The following SLC8A1 variants were observed in gnomAD, a reference collection of about 807,000 sequenced individuals.
SLC8A1 encodes solute carrier family 8 member A1, also known as sodium/calcium exchanger 1.
SLC8A1 carries 18 observed loss-of-function variants against 68.3 expected under a neutral mutation model. The observed-to-expected ratio is 0.26, with a 90% CI of 0.18 to 0.39. SLC8A1 has a LOEUF of 0.39. Among genes scored for constraint, SLC8A1 ranks in the 10% least tolerant of loss-of-function variants. The pLI is 1.00. For missense variants in SLC8A1, 985 were observed against 1,156.7 expected, an observed-to-expected ratio of 0.85 and a Z score of 2.15; for synonymous variants, 475 against 415.5, an observed-to-expected ratio of 1.14 and a Z score of -1.74.
intron 2 of SLC8A1, among the ~76,000 whole-genome samples, chr2:40,301,575 A>AT (rs775983579): frequency 8.3e-5 from 12 of 144,514 alleles, no homozygotes; most frequent in South Asian, 2.5e-4. Flanking sequence ...GATACAATGG[A>AT]TTTTGGGGAC....
intron 6 of SLC8A1, 104 bp downstream of exon 9, chr2:40,160,661 A>G (rs559475820): frequency 5.4e-6 from 5 of 932,264 alleles, no homozygotes; most frequent in Non-Finnish European, 8.6e-6. Context: ...TAATTTTGCC[A>G]TGGAAGCCCT....
At chr2:40,338,179 G>A (rs899412344) in intron 2 of SLC8A1, among the ~76,000 whole-genome samples, 2 of 151,966 alleles carry the variant, frequency 1.3e-5, no homozygotes, top group Admixed American at 6.6e-5. Context: ...ATCGTAGTGG[G>A]GTAGCATCAT....
At chr2:40,449,396 T>C (rs1429942504) in intron 1 of SLC8A1, among the ~76,000 whole-genome samples, 1 of 152,178 alleles carries the variant, frequency 6.6e-6, no homozygotes, top group East Asian at 1.9e-4. Flanking sequence ...AAGTCTATAT[T>C]TGCCTGGCAA....
At chr2:40,334,374 T>C (rs944897119) in intron 2 of SLC8A1, among the ~76,000 whole-genome samples, 1 of 152,212 alleles carries the variant, frequency 6.6e-6, no homozygotes, top group Non-Finnish European at 1.5e-5. Context: ...TTCAGTTTTA[T>C]ATAGACATGA....
intron 2 of SLC8A1, among the ~76,000 whole-genome samples, chr2:40,260,102 A>G (rs1161190899): frequency 1.3e-5 from 2 of 152,230 alleles, no homozygotes; most frequent in Non-Finnish European, 1.5e-5. Flanking sequence ...CATATCAACA[A>G]TGACTCATTT....
chr2:40,194,037 C>G (rs1287171654), intron 2 of SLC8A1, among the ~76,000 whole-genome samples: 1 of 152,102 alleles, frequency 6.6e-6, no homozygotes, highest in South Asian at 2.1e-4. Context: ...CTGCCAAGAT[C>G]AATTTCTTGT....
chr2:40,154,781 C>T (rs4952499), intron 6 of SLC8A1, among the ~76,000 whole-genome samples: 95,274 of 151,874 alleles, frequency 0.63, 32,083 homozygotes, highest in East Asian at 0.8. Context: ...CCTACTGCCT[C>T]AGCCTCCTGA....
At chr2:40,466,808 C>G (rs1703701017) in intron 1 of SLC8A1, among the ~76,000 whole-genome samples, 1 of 151,978 alleles carries the variant, frequency 6.6e-6, no homozygotes, top group African/African-American at 2.4e-5. Context: ...CTCTGTATTT[C>G]CAATACATGC....
intron 2 of SLC8A1, among the ~76,000 whole-genome samples, chr2:40,397,697 A>G (rs2149634546): frequency 6.6e-6 from 1 of 152,344 alleles, no homozygotes; most frequent in South Asian, 2.1e-4. Flanking sequence ...AAGTGGCACA[A>G]AGCATTCAGA....
chr2:40,381,718 T>G (rs1277891561), intron 2 of SLC8A1, among the ~76,000 whole-genome samples: 1 of 151,524 alleles, frequency 6.6e-6, no homozygotes, highest in African/African-American at 2.4e-5. Flanking sequence ...TACATTTGTC[T>G]TATCTGAGTT....
chr2:40,254,246 A>C (rs1233862774), intron 2 of SLC8A1, among the ~76,000 whole-genome samples: 1 of 152,234 alleles, frequency 6.6e-6, no homozygotes, highest in African/African-American at 2.4e-5. Flanking sequence ...AATAGAAATG[A>C]GATTGGGGTC....
At chr2:40,428,637 A>T (rs1697511150) in exon 2 of SLC8A1, 2 of 1,613,696 alleles carry the variant, frequency 1.2e-6, no homozygotes, top group African/African-American at 2.7e-5. Flanking sequence ...TCTCACTCAC[A>T]TGAGTCACAG....
At chr2:40,352,573 C>A (rs915420935) in intron 2 of SLC8A1, among the ~76,000 whole-genome samples, 56 of 152,162 alleles carry the variant, frequency 3.7e-4, no homozygotes, top group African/African-American at 1.2e-3. Context: ...TAGCACATAT[C>A]TTTGGTCTGT....
chr2:40,510,268 G>T (rs1464324290), intron 1 of SLC8A1, among the ~76,000 whole-genome samples: 1 of 152,174 alleles, frequency 6.6e-6, no homozygotes, highest in Non-Finnish European at 1.5e-5. Context: ...AAAAGGGCAA[G>T]TAGCTTGACT....
chr2:40,392,723 C>T (rs528379241), intron 2 of SLC8A1, among the ~76,000 whole-genome samples: 2 of 152,096 alleles, frequency 1.3e-5, no homozygotes, highest in South Asian at 4.1e-4. Context: ...TAATGAAATG[C>T]CAATGATCAC....
exon 8 of SLC8A1, chr2:40,108,142 T>C (rs974396628): frequency 5.3e-5 from 8 of 152,138 alleles, no homozygotes; most frequent in African/African-American, 1.9e-4. Context: ...ATAAATGAAA[T>C]TGCTAAACTG....
chr2:40,245,802 C>G lies in SLC8A1; in HGVS notation c.1809-67947G>C, dbSNP rs577839148. ...TCAAGATAGACATCATGTTCAGTTTCTAAGCTACAATTAAATCTCGTAGAA... is the reference window on the plus strand; with the variant it reads ...TCAAGATAGACATCATGTTCAGTTTGTAAGCTACAATTAAATCTCGTAGAA... On this transcript the variant is annotated intron_variant, in intron 2 of 7. Transcript: ENST00000406785. 4.6e-5 allele frequency among the ~76,000 whole-genome samples: 7 copies of G among 152,170 alleles called. No individual in the cohort carries two copies. The East Asian group carries it at 1.4e-3, about 29-fold the overall frequency.
Position 40,129,374 on chromosome 2 carries a change from G to T in SLC8A1, c.2437+10027C>A, listed in dbSNP as rs187305589. On this transcript the variant is annotated intron_variant, in intron 7 of 7. Transcript: ENST00000406785. ...GCCTCCTGAGTAGCTGGGACAACAG[G>T]TGCATACCACCATGCCCAGCTAATT... 1.4e-3 allele frequency among the ~76,000 whole-genome samples: 210 copies of T among 149,790 alleles called. 1 individual carries two copies. The highest frequency in any genetic ancestry group is 4.9e-3 in the African/African-American group (199 of 40,618).
intron 2 of SLC8A1, among the ~76,000 whole-genome samples, chr2:40,248,023 C>T (rs1359971584): frequency 1.3e-5 from 2 of 152,112 alleles, no homozygotes; most frequent in African/African-American, 4.8e-5. Flanking sequence ...GATTCTGAGT[C>T]CCTTAAAACA....
Sources: allele counts gnomAD v4.1 joint callset (sites outside exome capture counted in the v4.1 genomes callset), GRCh38; gene constraint gnomAD v4.1.1; transcripts MANE v1.5; gene names NCBI Gene and HGNC (gene_info 2026-07-23, HGNC 2026-07-21).